CCDC192: variants seen among roughly 807,000 people sequenced by gnomAD.
CCDC192 encodes coiled-coil domain-containing protein 192.
At chr5:127,903,993 T>C (rs1753130137) in intron 6 of CCDC192, among the ~76,000 whole-genome samples, 1 of 152,100 alleles carries the variant, frequency 6.6e-6, no homozygotes, top group Non-Finnish European at 1.5e-5. Context: ...TTTGCAGATG[T>C]GGTTAGGTTA....
chr5:127,834,043 C>T (rs928222061), intron 5 of CCDC192, among the ~76,000 whole-genome samples: 4 of 152,246 alleles, frequency 2.6e-5, no homozygotes, highest in Admixed American at 6.5e-5. Flanking sequence ...AAAAAAGCCT[C>T]TCTTCCCTCT....
intron 6 of CCDC192, among the ~76,000 whole-genome samples, chr5:127,878,971 G>A (rs1366032353): frequency 6.7e-6 from 1 of 148,506 alleles, no homozygotes; most frequent in African/African-American, 2.5e-5. Flanking sequence ...TGAAGCAATT[G>A]TGAATGGGAG....
chr5:127,889,427 G>T (rs1752666647), intron 6 of CCDC192, among the ~76,000 whole-genome samples: 1 of 137,986 alleles, frequency 7.2e-6, no homozygotes, highest in Non-Finnish European at 1.5e-5. Context: ...TTTTGAGACA[G>T]AGTCTTGCAC....
At chr5:127,916,057 C>T (rs1253518182) in intron 6 of CCDC192, among the ~76,000 whole-genome samples, 1 of 152,194 alleles carries the variant, frequency 6.6e-6, no homozygotes, top group Non-Finnish European at 1.5e-5. Context: ...CTCTCAGAAC[C>T]TGCCACTAAT....
intron 5 of CCDC192, among the ~76,000 whole-genome samples, chr5:127,848,623 GC>G (rs1468884590): frequency 1.3e-5 from 2 of 152,104 alleles, no homozygotes; most frequent in South Asian, 2.1e-4. Context: ...TATCTTCTGT[GC>G]CTTAGTTTCC....
intron 6 of CCDC192, among the ~76,000 whole-genome samples, chr5:127,887,289 A>G (rs1029099914): frequency 7.0e-6 from 1 of 142,248 alleles, no homozygotes; most frequent in Admixed American, 7.6e-5. Flanking sequence ...AGATCGTGCC[A>G]CTGCACTCCA....
chr5:127,715,798 A>C (rs1367677458), intron 2 of CCDC192, among the ~76,000 whole-genome samples: 1 of 152,074 alleles, frequency 6.6e-6, no homozygotes, highest in East Asian at 1.9e-4. Context: ...TTTTGTGTAA[A>C]GTCTTTGAAG....
intron 5 of CCDC192, among the ~76,000 whole-genome samples, chr5:127,804,939 C>T (rs1382103641): frequency 3.3e-5 from 5 of 152,182 alleles, no homozygotes; most frequent in Non-Finnish European, 4.4e-5. Flanking sequence ...GCTGGCCTCA[C>T]GGGCCTCATG....
chr5:127,708,102 T>C lies in CCDC192; in HGVS notation c.114+342T>C, dbSNP rs1751074626. The stretch of plus-strand genomic sequence containing the variant: ...GCTATTTTTGAAGTGTCAGCTTGTG[T>C]ATGAGGAAATCCTGGAATTCACACA... On this transcript the variant is annotated intron_variant, in intron 2 of 6. Coordinates refer to ENST00000514853, the MANE Select transcript of CCDC192 (RefSeq NM_001317938.2). Among the ~76,000 whole-genome samples the C allele has an allele frequency of 3.3e-5, 5 of 152,206 alleles. No homozygotes were observed. The South Asian group carries it at 1.0e-3, about 32-fold the overall frequency.
intron 5 of CCDC192, among the ~76,000 whole-genome samples, chr5:127,838,270 A>C (rs1456523444): frequency 6.6e-6 from 1 of 152,208 alleles, no homozygotes; most frequent in African/African-American, 2.4e-5. Flanking sequence ...GGACATAACA[A>C]GAATAATGTA....
At chr5:127,911,982 T>C (rs1580819344) in intron 6 of CCDC192, among the ~76,000 whole-genome samples, 1 of 151,920 alleles carries the variant, frequency 6.6e-6, no homozygotes, top group African/African-American at 2.4e-5. Flanking sequence ...AGTGCTGTGG[T>C]GCAATCTGGG....
At chr5:127,900,689 C>G (rs1040783289) in intron 6 of CCDC192, among the ~76,000 whole-genome samples, 1 of 152,122 alleles carries the variant, frequency 6.6e-6, no homozygotes, top group Non-Finnish European at 1.5e-5. Flanking sequence ...AAATGCACCT[C>G]TAATTAAATT....
chr5:127,904,966 G>A (rs572905647), intron 6 of CCDC192, among the ~76,000 whole-genome samples: 6 of 152,156 alleles, frequency 3.9e-5, no homozygotes, highest in Admixed American at 6.5e-5. Context: ...CTGTGCAACC[G>A]TTTGGCTTGT....
intron 6 of CCDC192, among the ~76,000 whole-genome samples, chr5:127,936,610 T>C (rs903111086): frequency 6.6e-6 from 1 of 152,212 alleles, no homozygotes; most frequent in Non-Finnish European, 1.5e-5. Flanking sequence ...TGAAGAATGA[T>C]GTATGACTGT....
At chr5:127,931,204 T>C (rs1318377480) in intron 6 of CCDC192, among the ~76,000 whole-genome samples, 1 of 152,144 alleles carries the variant, frequency 6.6e-6, no homozygotes, top group Non-Finnish European at 1.5e-5. Context: ...GCTCATCCTC[T>C]CTTTCCCACC....
At chr5:127,913,084 A>G (rs1052430321) in intron 6 of CCDC192, among the ~76,000 whole-genome samples, 6 of 152,226 alleles carry the variant, frequency 3.9e-5, no homozygotes, top group African/African-American at 1.4e-4. Context: ...TTCAAGGACA[A>G]GACAAATGGT....
chr5:127,815,896 A>T (rs1042471856), intron 5 of CCDC192, among the ~76,000 whole-genome samples: 1 of 152,046 alleles, frequency 6.6e-6, no homozygotes, highest in Admixed American at 6.6e-5. Context: ...AAAGAGAGAG[A>T]TGTACAAGAA....
At chr5:127,740,333 T>A (rs1034739585) in intron 2 of CCDC192, 3 of 152,190 alleles carry the variant, frequency 2.0e-5, no homozygotes, top group Non-Finnish European at 2.9e-5. Context: ...AAGTGAGCCT[T>A]TCCATCTGTC....
chr5:127,823,761 A>T (rs1749404110), intron 5 of CCDC192, among the ~76,000 whole-genome samples: 2 of 152,258 alleles, frequency 1.3e-5, no homozygotes, highest in South Asian at 4.1e-4. Context: ...CAAAGAGGTC[A>T]AAGGATTTTC....
Sources: allele counts gnomAD v4.1 joint callset (sites outside exome capture counted in the v4.1 genomes callset), GRCh38; gene constraint gnomAD v4.1.1; transcripts MANE v1.5; gene names NCBI Gene and HGNC (gene_info 2026-07-23, HGNC 2026-07-21).